Variants in TIAM1 observed in about 807,000 individuals in gnomAD.
TIAM1 encodes the protein TIAM Rac1 associated GEF 1.
In TIAM1, 65 loss-of-function variants were observed where a neutral mutation model predicts 163.5. The observed-to-expected ratio is 0.40, with a 90% CI of 0.33 to 0.49. TIAM1 has a LOEUF of 0.49. Ranked by LOEUF, TIAM1 falls within the 20% of genes least tolerant of loss-of-function variation. The pLI is 0.77. For missense variants in TIAM1, 1,789 were observed against 2,044.7 expected, an observed-to-expected ratio of 0.87 and a Z score of 2.41; for synonymous variants, 833 against 810.1, an observed-to-expected ratio of 1.03 and a Z score of -0.48.
Position 31,266,372 on chromosome 21 carries a change from CCAA to C in TIAM1, c.598_600del (p.Leu200del). On this transcript the variant is annotated inframe_deletion, in exon 4 of 28. Coordinates refer to ENST00000541036, the MANE Select transcript of TIAM1 (RefSeq NM_001353694.2). ...TCGCAGTCCTTCTCTTCGGCGGAACCCAAGATTTCTTCGTTGCTTGTTAAATGT... is the reference window on the plus strand; with the variant it reads ...TCGCAGTCCTTCTCTTCGGCGGAACCGATTTCTTCGTTGCTTGTTAAATGT... 6.2e-7 allele frequency: 1 copy of C among 1,614,204 alleles called. No homozygotes were observed. Among genetic ancestry groups the C allele is most frequent in the South Asian group, 1.1e-5 (1 of 91,088 alleles).
intron 19 of TIAM1, among the ~76,000 whole-genome samples, chr21:31,151,665 GGT>G (rs897745901): frequency 2.0e-5 from 3 of 151,872 alleles, no homozygotes; most frequent in Admixed American, 6.6e-5. Flanking sequence ...GTTTCATAGG[GGT>G]GTGTGTGTGT....
chr21:31,403,904 A>T (rs1208584063), intron 2 of TIAM1, among the ~76,000 whole-genome samples: 1 of 152,160 alleles, frequency 6.6e-6, no homozygotes, highest in Admixed American at 6.5e-5. Flanking sequence ...GCAGATAGTG[A>T]CAGAGGCTAA....
At chr21:31,471,306 G>A (rs557931853) in intron 1 of TIAM1, among the ~76,000 whole-genome samples, 1 of 152,130 alleles carries the variant, frequency 6.6e-6, no homozygotes, top group South Asian at 2.1e-4. Context: ...GAGGATCAGC[G>A]GCCCCCTCCC....
intron 1 of TIAM1, among the ~76,000 whole-genome samples, chr21:31,470,935 C>T (rs1161098209): frequency 6.6e-6 from 1 of 152,128 alleles, no homozygotes; most frequent in Non-Finnish European, 1.5e-5. Flanking sequence ...CACCCACCCC[C>T]GAGGGGGCAG....
chr21:31,469,179 C>T (rs2045647342), intron 1 of TIAM1, among the ~76,000 whole-genome samples: 1 of 148,506 alleles, frequency 6.7e-6, no homozygotes, highest in African/African-American at 2.5e-5. Flanking sequence ...AACTCCCGTG[C>T]TGAGCTTACA....
chr21:31,379,850 GGTTGGGGATT>G (rs1160861632), intron 2 of TIAM1, among the ~76,000 whole-genome samples: 1 of 152,170 alleles, frequency 6.6e-6, no homozygotes, highest in East Asian at 1.9e-4. Context: ...AAATGGTTGG[GGTTGGGGATT>G]GGGTGAGAAG....
intron 2 of TIAM1, among the ~76,000 whole-genome samples, chr21:31,291,195 C>A (rs1256005983): frequency 6.6e-6 from 1 of 152,128 alleles, no homozygotes; most frequent in Non-Finnish European, 1.5e-5. Flanking sequence ...ATTTCAGACA[C>A]AGCCAGGGTA....
At chr21:31,501,083 T>C (rs766559286) in intron 1 of TIAM1, among the ~76,000 whole-genome samples, 7 of 152,124 alleles carry the variant, frequency 4.6e-5, no homozygotes, top group South Asian at 2.1e-4. Flanking sequence ...TCTTTTTTTT[T>C]CCCTCTCTCC....
At chr21:31,231,733 G>A (rs1164943225) in intron 6 of TIAM1, among the ~76,000 whole-genome samples, 1 of 152,020 alleles carries the variant, frequency 6.6e-6, no homozygotes, top group Non-Finnish European at 1.5e-5. Flanking sequence ...AAAGAGTTAT[G>A]GGCCAGGCGG....
chr21:31,337,817 A>G, intron 2 of TIAM1, among the ~76,000 whole-genome samples: 1 of 152,048 alleles, frequency 6.6e-6, no homozygotes, highest in East Asian at 1.9e-4. Context: ...GGTGTGAGCC[A>G]CCACACCCGG....
intron 2 of TIAM1, among the ~76,000 whole-genome samples, chr21:31,322,448 T>TGGGGG (rs386394590): frequency 1.5e-5 from 2 of 136,518 alleles, no homozygotes; most frequent in Non-Finnish European, 3.2e-5. Context: ...CCTCTATGGG[T>TGGGGG]GGGGGGGGGT....
rs2081981344 is a variant in TIAM1, at chr21:31,121,001, G to A, written c.4307-164C>T. 2.6e-5 allele frequency among the ~76,000 whole-genome samples: 4 copies of A among 152,160 alleles called. No homozygotes were observed. The South Asian group carries it at 8.3e-4, about 32-fold the overall frequency. The stretch of plus-strand genomic sequence containing the variant: ...GTCTACATATCACCAATCTGTCATG[G>A]AGCATTTACCTTGTCGAGGTATCTG... On this transcript the variant is annotated intron_variant, in intron 27 of 27. Transcript: ENST00000541036.
intron 15 of TIAM1, among the ~76,000 whole-genome samples, chr21:31,172,362 T>C (rs2084554755): frequency 6.6e-6 from 1 of 152,168 alleles, no homozygotes. Flanking sequence ...TAGCTTCCCC[T>C]GTGCTACTCA....
chr21:31,392,958 CTT>C (rs34474331), intron 2 of TIAM1, among the ~76,000 whole-genome samples: 141 of 139,088 alleles, frequency 1.0e-3, no homozygotes, highest in Middle Eastern at 3.8e-3. Context: ...AACCTGTCTT[CTT>C]TTTTTTTTTT....
At position 31,443,580 on chromosome 21, in the gene TIAM1, A is replaced by T. The variant is rs184247820; in HGVS notation, c.-369+20403T>A. Among the ~76,000 whole-genome samples the T allele has an allele frequency of 8.5e-5, 13 of 152,290 alleles. No homozygotes were observed. The East Asian group carries it at 2.5e-3, about 29-fold the overall frequency. On this transcript the variant is annotated intron_variant, in intron 2 of 28. Coordinates refer to the TIAM1 transcript ENST00000286827. ...AAGCCCTCCTTGACCATCAAGGACCAGTTTAAATGCCCTCATGTAAGAAGT... is the reference window on the plus strand; with the variant it reads ...AAGCCCTCCTTGACCATCAAGGACCTGTTTAAATGCCCTCATGTAAGAAGT...
At chr21:31,363,868 C>A (rs370447781) in intron 2 of TIAM1, among the ~76,000 whole-genome samples, 1 of 151,992 alleles carries the variant, frequency 6.6e-6, no homozygotes, top group African/African-American at 2.4e-5. Flanking sequence ...TGAAACCACA[C>A]AACATGCAAT....
At chr21:31,243,359 A>C (rs2071321298) in intron 6 of TIAM1, among the ~76,000 whole-genome samples, 1 of 151,082 alleles carries the variant, frequency 6.6e-6, no homozygotes, top group African/African-American at 2.4e-5. Flanking sequence ...AGTGAGATTA[A>C]GGAATAGAAT....
rs191455104 is a variant in TIAM1 at position 31,203,097 on chromosome 21, T to A, written c.2389-85A>T. ...AGTTCTCCACCAACATACGATGTAT[T>A]CCTATGACCAATAGAGTTTGTTGTT... On this transcript the variant is annotated intron_variant, in intron 11 of 27. Transcript: ENST00000541036. 14 of 1,071,956 alleles carry A rather than the reference T, an allele frequency of 1.3e-5. No individual in the cohort carries two copies. The Admixed American group carries it at 1.6e-4, about 12-fold the overall frequency. The allele number at this position is 1,071,956 out of a possible 1,614,324, so 66.4% of individuals were successfully genotyped here.
intron 2 of TIAM1, among the ~76,000 whole-genome samples, chr21:31,366,774 T>C (rs1188298323): frequency 1.3e-5 from 2 of 152,164 alleles, no homozygotes; most frequent in African/African-American, 4.8e-5. Context: ...TGTGCCATCA[T>C]GCCTGGCCAA....
Sources: allele counts gnomAD v4.1 joint callset (sites outside exome capture counted in the v4.1 genomes callset), GRCh38; gene constraint gnomAD v4.1.1; transcripts MANE v1.5; gene names NCBI Gene and HGNC (gene_info 2026-07-23, HGNC 2026-07-21).